The following CBLB variants were observed in gnomAD, a reference collection of about 807,000 sequenced individuals.
CBLB encodes Cbl proto-oncogene B, also known as E3 ubiquitin-protein ligase CBL-B.
CBLB carries 31 observed loss-of-function variants against 104.9 expected under a neutral mutation model. That is an observed-to-expected ratio of 0.30 (90% CI 0.22 to 0.40). The LOEUF (loss-of-function observed/expected upper bound fraction) is 0.40, where lower values mean the gene tolerates loss of function less well. Among genes scored for constraint, CBLB ranks in the 10% least tolerant of loss-of-function variants. The pLI is 1.00. For missense variants in CBLB, 1,062 were observed against 1,214.6 expected (o/e 0.87, Z 1.87); for synonymous variants, 440 against 422.6 (o/e 1.04, Z -0.51).
chr3:105,786,703 G>C (rs1177360700), intron 3 of CBLB, among the ~76,000 whole-genome samples: 1 of 152,140 alleles, frequency 6.6e-6, no homozygotes, highest in African/African-American at 2.4e-5. Context: ...TAAACAGAAG[G>C]AGGGGTCTGG....
At chr3:105,708,467 C>T (rs2070550831) in intron 10 of CBLB, among the ~76,000 whole-genome samples, 2 of 152,000 alleles carry the variant, frequency 1.3e-5, no homozygotes, top group African/African-American at 4.8e-5. Context: ...TTTGTTCATA[C>T]GGATACTCTT....
intron 14 of CBLB, among the ~76,000 whole-genome samples, chr3:105,684,486 C>T (rs1291269629): frequency 1.3e-5 from 2 of 152,058 alleles, no homozygotes; most frequent in Admixed American, 1.3e-4. Context: ...AAGTCAAAGA[C>T]CAAGGCTATC....
chr3:105,760,060 C>G (rs573714483), intron 4 of CBLB, among the ~76,000 whole-genome samples: 3 of 152,182 alleles, frequency 2.0e-5, no homozygotes, highest in Non-Finnish European at 4.4e-5. Flanking sequence ...TGCAGGAACA[C>G]AGGAAATAGT....
chr3:105,749,967 T>G (rs949120996), intron 5 of CBLB, among the ~76,000 whole-genome samples: 2 of 151,964 alleles, frequency 1.3e-5, no homozygotes, highest in African/African-American at 4.8e-5. Context: ...TTACCCTATA[T>G]AGAAGGTAGA....
At chr3:105,719,161 A>C (rs958682778) in intron 10 of CBLB, among the ~76,000 whole-genome samples, 2 of 151,996 alleles carry the variant, frequency 1.3e-5, no homozygotes, top group Admixed American at 1.3e-4. Context: ...TTAAGAAAAA[A>C]CTCTATCAGA....
intron 14 of CBLB, 159 bp from the exon 15 acceptor site, chr3:105,681,977 C>A: frequency 3.3e-6 from 2 of 602,732 alleles, no homozygotes; most frequent in Admixed American, 2.9e-5. Flanking sequence ...AGATACTCAT[C>A]CCTTATTTTA....
At chr3:105,817,762 A>G (rs2085271430) in intron 3 of CBLB, among the ~76,000 whole-genome samples, 1 of 152,208 alleles carries the variant, frequency 6.6e-6, no homozygotes, top group African/African-American at 2.4e-5. Flanking sequence ...GGCAAGCAGA[A>G]AAGTGACTAC....
intron 3 of CBLB, among the ~76,000 whole-genome samples, chr3:105,838,384 C>T (rs1210751366): frequency 6.8e-6 from 1 of 147,594 alleles, no homozygotes; most frequent in Non-Finnish European, 1.5e-5. Flanking sequence ...TTGATAAATG[C>T]TATGGTCAGA....
At chr3:105,751,404 G>T in intron 5 of CBLB, 58 bp downstream of exon 5, 1 of 1,219,384 alleles carries the variant, frequency 8.2e-7, no homozygotes, top group Admixed American at 1.8e-5. Flanking sequence ...GAGAAACAGA[G>T]AGAAAAGACA....
intron 8 of CBLB, among the ~76,000 whole-genome samples, chr3:105,736,818 C>A (rs1344870622): frequency 6.6e-6 from 1 of 152,032 alleles, no homozygotes; most frequent in Non-Finnish European, 1.5e-5. Context: ...CTTCAACAGG[C>A]TTCAATTACC....
Position 105,705,334 on chromosome 3 carries a change from T to C in CBLB, c.1408-1161A>G, listed in dbSNP as rs142150577. Among the ~76,000 whole-genome samples the C allele has an allele frequency of 5.3e-3, 805 of 152,332 alleles. 6 individuals carry two copies. Among genetic ancestry groups the C allele is most frequent in the Middle Eastern group, 0.01 (3 of 294 alleles). On this transcript the variant is annotated intron_variant, in intron 10 of 18. Coordinates refer to ENST00000394030, the MANE Select transcript of CBLB (RefSeq NM_170662.5). Reference sequence around the variant, plus strand: ...TTGTATAAGGCTTTTGTTAATTAACTAAAATCCATAGTTTATTCAGATTTC... The same window carrying C: ...TTGTATAAGGCTTTTGTTAATTAACCAAAATCCATAGTTTATTCAGATTTC...
chr3:105,752,860 A>G (rs1416800842), intron 4 of CBLB, among the ~76,000 whole-genome samples: 1 of 152,234 alleles, frequency 6.6e-6, no homozygotes, highest in Non-Finnish European at 1.5e-5. Context: ...ACTGACAGCC[A>G]TAAAATGTTC....
intron 11 of CBLB, among the ~76,000 whole-genome samples, chr3:105,703,386 T>C (rs1178957635): frequency 6.6e-6 from 1 of 152,204 alleles, no homozygotes; most frequent in Non-Finnish European, 1.5e-5. Flanking sequence ...TAAAATCTTA[T>C]ACTTATCAAA....
intron 13 of CBLB, among the ~76,000 whole-genome samples, chr3:105,691,334 G>A (rs570459590): frequency 3.4e-4 from 52 of 152,332 alleles, no homozygotes; most frequent in Non-Finnish European, 6.2e-4. Context: ...CAATTGCACT[G>A]TTTCTGAGGG....
chr3:105,692,861 A>T (rs1576381989), intron 13 of CBLB, among the ~76,000 whole-genome samples: 1 of 149,782 alleles, frequency 6.7e-6, no homozygotes, highest in East Asian at 1.9e-4. Context: ...ACTTGGGAAG[A>T]TATCAATGAG....
chr3:105,810,041 C>G (rs1422160937), intron 3 of CBLB, among the ~76,000 whole-genome samples: 1 of 152,166 alleles, frequency 6.6e-6, no homozygotes, highest in Non-Finnish European at 1.5e-5. Context: ...AAAATGTCCA[C>G]TGGCTTCAAG....
At chr3:105,670,746 G>T in intron 17 of CBLB, 1 of 219,878 alleles carries the variant, frequency 4.5e-6, no homozygotes, top group Non-Finnish European at 9.1e-6. Flanking sequence ...CATGGGTTTG[G>T]ATCCTCCCTA....
intron 13 of CBLB, among the ~76,000 whole-genome samples, chr3:105,686,199 T>C (rs1199124110): frequency 1.3e-5 from 2 of 152,070 alleles, no homozygotes; most frequent in African/African-American, 2.4e-5. Context: ...TAAGAGTAAA[T>C]AAACCAAATA....
intron 2 of CBLB, among the ~76,000 whole-genome samples, chr3:105,856,264 C>A (rs1350742164): frequency 6.7e-6 from 1 of 148,216 alleles, no homozygotes; most frequent in Non-Finnish European, 1.5e-5. Context: ...GCAGGAGAAT[C>A]ACTTGAACCC....
Sources: allele counts gnomAD v4.1 joint callset (sites outside exome capture counted in the v4.1 genomes callset), GRCh38; gene constraint gnomAD v4.1.1; transcripts MANE v1.5; gene names NCBI Gene and HGNC (gene_info 2026-07-23, HGNC 2026-07-21).